The following ARID1B variants were observed in gnomAD, a reference collection of about 807,000 sequenced individuals.
ARID1B encodes the protein AT-rich interactive domain-containing protein 1B.
A neutral mutation model predicts 212.3 loss-of-function variants in ARID1B; 30 were observed. The ratio of observed to expected loss-of-function variants is 0.14; its 90% CI spans 0.11 to 0.19. The LOEUF (loss-of-function observed/expected upper bound fraction) is 0.19. ARID1B is among the 10% of genes least tolerant of loss of function. The pLI is 1.00. For synonymous variants in ARID1B, 1,402 were observed against 1,301.7 expected, an observed-to-expected ratio of 1.08 and a Z score of -1.66; for missense variants, 2,891 against 3,204.0, an observed-to-expected ratio of 0.90 and a Z score of 2.36.
chr6:157,145,787 A>G (rs1269275167), intron 7 of ARID1B, among the ~76,000 whole-genome samples: 3 of 152,150 alleles, frequency 2.0e-5, no homozygotes, highest in African/African-American at 4.8e-5. Flanking sequence ...CCACGTGACC[A>G]TGGGACATTT....
At chr6:157,015,487 G>C (rs1238842623) in intron 4 of ARID1B, among the ~76,000 whole-genome samples, 2 of 152,292 alleles carry the variant, frequency 1.3e-5, no homozygotes, top group African/African-American at 4.8e-5. Context: ...CACAATATTT[G>C]ATATTTGAAG....
intron 3 of ARID1B, among the ~76,000 whole-genome samples, chr6:156,904,409 T>C (rs1460782014): frequency 6.6e-6 from 1 of 152,216 alleles, no homozygotes; most frequent in African/African-American, 2.4e-5. Flanking sequence ...TTTAGATTAG[T>C]TCTGGTTATT....
intron 5 of ARID1B, among the ~76,000 whole-genome samples, chr6:157,088,092 CTG>C (rs1785064328): frequency 1.3e-5 from 2 of 152,256 alleles, no homozygotes; most frequent in African/African-American, 4.8e-5. Context: ...CATCAGCTAA[CTG>C]TGAGCAGCAC....
At chr6:156,990,282 C>T (rs1177509665) in intron 4 of ARID1B, among the ~76,000 whole-genome samples, 2 of 151,636 alleles carry the variant, frequency 1.3e-5, no homozygotes, top group Non-Finnish European at 2.9e-5. Context: ...AAGCGATTCT[C>T]CCACCTCAGC....
At chr6:157,197,435 A>G (rs1262711930) in intron 16 of ARID1B, among the ~76,000 whole-genome samples, 1 of 152,218 alleles carries the variant, frequency 6.6e-6, no homozygotes, top group Non-Finnish European at 1.5e-5. Context: ...CAAAGGAGAA[A>G]AAGGTTGAAA....
At chr6:157,174,214 AT>A in intron 10 of ARID1B, 97 bp downstream of exon 10, 1 of 1,038,508 alleles carries the variant, frequency 9.6e-7, no homozygotes, top group Admixed American at 1.9e-5. Context: ...CTTTTTTTTC[AT>A]TTGGTCTCCT....
At chr6:156,947,096 T>G (rs147246496) in intron 4 of ARID1B, among the ~76,000 whole-genome samples, 301 of 152,326 alleles carry the variant, frequency 2.0e-3, no homozygotes, top group Admixed American at 3.7e-3. Flanking sequence ...TCTCTAACTG[T>G]AACTGGGACT....
At chr6:156,976,108 ATCAG>A (rs1370372314) in intron 4 of ARID1B, among the ~76,000 whole-genome samples, 2 of 152,130 alleles carry the variant, frequency 1.3e-5, no homozygotes, top group Non-Finnish European at 2.9e-5. Flanking sequence ...AAGTCAATTG[ATCAG>A]TCAGGGTGGG....
intron 3 of ARID1B, among the ~76,000 whole-genome samples, chr6:156,928,077 A>G (rs1791376511): frequency 6.6e-6 from 1 of 152,170 alleles, no homozygotes; most frequent in African/African-American, 2.4e-5. Flanking sequence ...CAGTGGCCGC[A>G]TGGCCCATGG....
At chr6:156,972,554 T>C (rs1321583043) in intron 4 of ARID1B, among the ~76,000 whole-genome samples, 2 of 152,250 alleles carry the variant, frequency 1.3e-5, no homozygotes, top group African/African-American at 4.8e-5. Context: ...AGTAAGCATG[T>C]GAACATAAAT....
At chr6:156,998,202 ATCTC>A (rs538192477) in intron 4 of ARID1B, among the ~76,000 whole-genome samples, 2 of 144,168 alleles carry the variant, frequency 1.4e-5, no homozygotes, top group Non-Finnish European at 1.5e-5. Flanking sequence ...CCCAATCTTG[ATCTC>A]TCTCTCTTTT....
At chr6:156,781,499 T>C (rs1779264470) in intron 1 of ARID1B, among the ~76,000 whole-genome samples, 4 of 152,166 alleles carry the variant, frequency 2.6e-5, no homozygotes, top group Admixed American at 2.6e-4. Context: ...TGTAACTCAT[T>C]TATTTTAGGA....
At chr6:157,130,611 A>G (rs774037089) in intron 6 of ARID1B, among the ~76,000 whole-genome samples, 10 of 152,230 alleles carry the variant, frequency 6.6e-5, no homozygotes, top group Non-Finnish European at 1.5e-4. Context: ...AAATAGTTCA[A>G]CTTACTTTTA....
chr6:157,161,449 A>C (rs955819293), intron 8 of ARID1B, among the ~76,000 whole-genome samples: 7 of 149,390 alleles, frequency 4.7e-5, no homozygotes, highest in African/African-American at 1.3e-4. Context: ...ATATATATAT[A>C]TATATTTTGG....
At chr6:156,912,921 T>C (rs761610014) in intron 3 of ARID1B, among the ~76,000 whole-genome samples, 7 of 152,200 alleles carry the variant, frequency 4.6e-5, no homozygotes, top group Non-Finnish European at 7.3e-5. Flanking sequence ...AAGCCTGTTT[T>C]TCTCTTTTCT....
At chr6:157,192,090 C>T (rs1793419467) in intron 15 of ARID1B, among the ~76,000 whole-genome samples, 1 of 152,016 alleles carries the variant, frequency 6.6e-6, no homozygotes, top group African/African-American at 2.4e-5. Flanking sequence ...CTGCTTATTC[C>T]AAGTGAGGAT....
At chr6:157,134,688 C>T (rs950133164) in intron 7 of ARID1B, among the ~76,000 whole-genome samples, 6 of 152,190 alleles carry the variant, frequency 3.9e-5, no homozygotes, top group Admixed American at 1.3e-4. Flanking sequence ...GGGTCACCCA[C>T]CATCCTTACT....
In ARID1B at chr6:157,201,119, G is replaced by A. The variant is rs1340183572; in HGVS notation, c.4894G>A (p.Glu1632Lys). ...GGTACCCGATCAGAGGATAAATCAT[G>A]AGAGCCAGTGGCCTTCTCACGTCAG... is the stretch of plus-strand genomic sequence containing the variant. ...MMVPDQRINH[E>K]SQWPSHVSQR... Residue 1632 changes from glutamate to lysine, a missense_variant, in exon 18 of 20, where the codon GAG becomes AAG. Coordinates refer to ENST00000636930, the MANE Select transcript of ARID1B (RefSeq NM_001374828.1). The surrounding 1 kb of genome is among the most constrained non-coding windows in gnomAD (Gnocchi z 5.2). 1.9e-6 allele frequency: 3 copies of A among 1,614,154 alleles called. No individual in the cohort carries two copies. Among genetic ancestry groups the A allele is most frequent in the South Asian group, 1.1e-5 (1 of 91,090 alleles).
chr6:157,175,435 T>C (rs1257884953), intron 11 of ARID1B: 1 of 152,276 alleles, frequency 6.6e-6, no homozygotes. Flanking sequence ...TTGCATGTTC[T>C]ATCTATTTCA....
Sources: gnomAD v4.1 joint callset for allele counts (sites outside exome capture counted in the v4.1 genomes callset) on GRCh38, gnomAD v4.1.1 for gene constraint, Gnocchi (gnomAD v3.1) non-coding constraint, MANE v1.5 for transcripts, NCBI Gene and HGNC (gene_info 2026-07-23, HGNC 2026-07-21) for gene names.